VTI1B: variants seen among roughly 807,000 people sequenced by gnomAD.
VTI1B encodes vesicle transport through interaction with t-SNAREs 1B, also known as vesicle transport through interaction with t-SNAREs homolog 1B.
Under a neutral mutation model 28.6 loss-of-function variants are expected in VTI1B, and 18 were observed. The observed-to-expected ratio is 0.63, with a 90% CI of 0.43 to 0.93. The LOEUF is 0.93. Among genes scored for constraint, VTI1B ranks in the 40% least tolerant of loss-of-function variants. The pLI is 0.00. For synonymous variants in VTI1B, 100 were observed against 107.9 expected (o/e 0.93, Z 0.46); for missense variants, 283 against 297.0 (o/e 0.95, Z 0.35).
rs1156698027 is a variant in VTI1B at position 67,651,497 on chromosome 14, AAGTGGGGAGT to A, written c.603-26_603-17del. The A allele has an allele frequency of 3.1e-6, 5 of 1,612,762 alleles. No homozygotes were observed. The highest frequency in any genetic ancestry group is 4.2e-6 in the Non-Finnish European group (5 of 1,179,090). On this transcript the variant is annotated splice_polypyrimidine_tract_variant and intron_variant, in intron 5 of 5. Transcript: ENST00000554659. ...GGTTGTCACTCTACAAAGAGAAGCA[AAGTGGGGAGT>A]AGTCAGAAGTTTGGATAACCTTCCT...
intron 1 of VTI1B, 23 bp downstream of exon 1, chr14:67,674,352 G>A: frequency 1.3e-6 from 2 of 1,567,086 alleles, no homozygotes; most frequent in East Asian, 2.3e-5. Context: ...CGCTCCCCAC[G>A]GCGTGGCCCA....
At chr14:67,652,885 C>G (rs2037204188) in intron 5 of VTI1B, among the ~76,000 whole-genome samples, 1 of 152,172 alleles carries the variant, frequency 6.6e-6, no homozygotes, top group African/African-American at 2.4e-5. Context: ...CCTCCACCCC[C>G]CAGGTTCAAG....
intron 2 of VTI1B, chr14:67,660,286 G>A (rs1001687084): frequency 2.9e-4 from 46 of 159,964 alleles, no homozygotes; most frequent in Non-Finnish European, 9.6e-5. Flanking sequence ...TCTGAAGATC[G>A]CACAAAAAGG....
intron 3 of VTI1B, among the ~76,000 whole-genome samples, chr14:67,659,493 GTATTA>G (rs948822083): frequency 6.6e-6 from 1 of 151,256 alleles, no homozygotes; most frequent in African/African-American, 2.4e-5. Context: ...TTATAAGACT[GTATTA>G]TATTAAGGAT....
intron 1 of VTI1B, among the ~76,000 whole-genome samples, chr14:67,670,336 T>C (rs2037451046): frequency 6.6e-6 from 1 of 152,162 alleles, no homozygotes; most frequent in Non-Finnish European, 1.5e-5. Flanking sequence ...GCCCCTCTAC[T>C]ACTACTTTCC....
chr14:67,653,094 TATATAA>T (rs1402917878), intron 5 of VTI1B, among the ~76,000 whole-genome samples: 44 of 152,334 alleles, frequency 2.9e-4, no homozygotes, highest in African/African-American at 9.1e-4. Flanking sequence ...GGGCTGAGAT[TATATAA>T]ATATATTTCA....
At chr14:67,652,974 TAG>T (rs897716666) in intron 5 of VTI1B, among the ~76,000 whole-genome samples, 1 of 152,102 alleles carries the variant, frequency 6.6e-6, no homozygotes, top group African/African-American at 2.4e-5. Flanking sequence ...GTATTTTTAG[TAG>T]AGACGGGTTT....
At chr14:67,654,490 C>T (rs2037229471) in intron 4 of VTI1B, among the ~76,000 whole-genome samples, 1 of 152,158 alleles carries the variant, frequency 6.6e-6, no homozygotes, top group Non-Finnish European at 1.5e-5. Flanking sequence ...CCAAAACCCA[C>T]ACAATCTGTA....
chr14:67,657,454 TC>T (rs2037272676), intron 3 of VTI1B, among the ~76,000 whole-genome samples: 1 of 151,952 alleles, frequency 6.6e-6, no homozygotes, highest in Non-Finnish European at 1.5e-5. Context: ...ATTTTCTAAA[TC>T]CCCACCGAAG....
intron 1 of VTI1B, among the ~76,000 whole-genome samples, chr14:67,673,139 T>TA (rs1409084817): frequency 1.6e-4 from 24 of 152,326 alleles, no homozygotes; most frequent in Middle Eastern, 6.8e-3. Context: ...GGTCAGGAGT[T>TA]AGAGATCAGC....
intron 1 of VTI1B, among the ~76,000 whole-genome samples, chr14:67,665,959 G>A (rs1390945229): frequency 6.6e-6 from 1 of 152,152 alleles, no homozygotes; most frequent in Non-Finnish European, 1.5e-5. Flanking sequence ...TGTTCCTGAG[G>A]GGGATGTGTT....
intron 3 of VTI1B, among the ~76,000 whole-genome samples, chr14:67,658,215 A>G (rs1359834412): frequency 6.6e-6 from 1 of 152,232 alleles, no homozygotes; most frequent in Non-Finnish European, 1.5e-5. Flanking sequence ...ATGACTAAGA[A>G]AAGATCAGAT....
chr14:67,664,589 C>T (rs1054051289), intron 1 of VTI1B, among the ~76,000 whole-genome samples: 2 of 151,558 alleles, frequency 1.3e-5, no homozygotes, highest in African/African-American at 4.9e-5. Context: ...CTCCACCTCC[C>T]AGGTTCAAGC....
rs149539282 is a variant in VTI1B at position 67,652,824 on chromosome 14, C to T, written c.602+613G>A. ...TTCTTTTTTTTTTGAGACGGAGTCTCGCTTTGTCCCCCAGGCTAGAGTGCA... is the reference window on the plus strand; with the variant it reads ...TTCTTTTTTTTTTGAGACGGAGTCTTGCTTTGTCCCCCAGGCTAGAGTGCA... On this transcript the variant is annotated intron_variant, in intron 5 of 5. Coordinates refer to ENST00000554659, the MANE Select transcript of VTI1B (RefSeq NM_006370.3). 4.5e-3 allele frequency among the ~76,000 whole-genome samples: 688 copies of T among 152,170 alleles called. 5 individuals are homozygous for T. The highest frequency in any genetic ancestry group is 0.016 in the African/African-American group (671 of 41,520).
Position 67,647,805 on chromosome 14 carries a change from TAGTC to T in VTI1B, c.*3576_*3579del, listed in dbSNP as rs1251110545. ...GTAAGGCAGAAATATACATTGGAGT[TAGTC>T]TGTCTGAGGTATGCAGAACAAATGG... On this transcript the variant is annotated 3_prime_UTR_variant, in exon 6 of 6. Transcript: ENST00000554659. The T allele has an allele frequency of 6.1e-6, 3 of 493,132 alleles. No individual in the cohort carries two copies. The highest frequency in any genetic ancestry group is 5.5e-4 in the Middle Eastern group (1 of 1,832). The allele number at this position is 493,132 out of a possible 1,614,324, so 30.5% of individuals were successfully genotyped here.
At chr14:67,658,892 G>A (rs1329136056) in intron 3 of VTI1B, among the ~76,000 whole-genome samples, 1 of 152,112 alleles carries the variant, frequency 6.6e-6, no homozygotes, top group Admixed American at 6.6e-5. Context: ...ACTATAATCA[G>A]GATGCATCGT....
intron 1 of VTI1B, among the ~76,000 whole-genome samples, chr14:67,669,818 GGCCGGGAACTGTA>G (rs2037444501): frequency 6.6e-6 from 1 of 152,148 alleles, no homozygotes; most frequent in African/African-American, 2.4e-5. Context: ...CCAACTCTTG[GGCCGGGAACTGTA>G]GCTCACCCCT....
chr14:67,672,450 T>C lies in VTI1B; in HGVS notation c.115+1925A>G, dbSNP rs1454789966. On this transcript the variant is annotated intron_variant, in intron 1 of 5. Transcript: ENST00000554659. ...CTACTTTTTTTTCTTTTCTTTTCTTTTTTTTTTTTTTTTGATACAGAGTCT... is the reference window on the plus strand; with the variant it reads ...CTACTTTTTTTTCTTTTCTTTTCTTCTTTTTTTTTTTTTGATACAGAGTCT... Among the ~76,000 whole-genome samples, 6 of 145,386 alleles carry C rather than the reference T, an allele frequency of 4.1e-5. No individual in the cohort carries two copies. In the East Asian group the frequency reaches 1.2e-3, roughly 29 times the overall value.
intron 2 of VTI1B, among the ~76,000 whole-genome samples, chr14:67,661,278 C>CAAAAAA (rs1208811725): frequency 8.8e-5 from 5 of 56,500 alleles, no homozygotes; most frequent in East Asian, 6.6e-4. Flanking sequence ...AGGGCTAGAG[C>CAAAAAA]AAAAAAAAAA....
Sources: allele counts gnomAD v4.1 joint callset (sites outside exome capture counted in the v4.1 genomes callset), GRCh38; gene constraint gnomAD v4.1.1; transcripts MANE v1.5; gene names NCBI Gene and HGNC (gene_info 2026-07-23, HGNC 2026-07-21).